Variants in EEF1AKMT1 observed in about 807,000 individuals in gnomAD.
EEF1AKMT1 encodes the protein EEF1A lysine methyltransferase 1.
Under a neutral mutation model 21.0 loss-of-function variants are expected in EEF1AKMT1, and 18 were observed. That is an observed-to-expected ratio of 0.86 (90% CI 0.59 to 1.27). The LOEUF is 1.27. Among genes scored for constraint, EEF1AKMT1 ranks in the 50% most tolerant of loss-of-function variants. EEF1AKMT1 has a pLI of 0.00. For synonymous variants in EEF1AKMT1, 109 were observed against 94.8 expected, an observed-to-expected ratio of 1.15 and a Z score of -0.87; for missense variants, 246 against 258.6, an observed-to-expected ratio of 0.95 and a Z score of 0.33.
At chr13:20,744,650 G>A (rs1477172302) in intron 2 of EEF1AKMT1, among the ~76,000 whole-genome samples, 8 of 152,150 alleles carry the variant, frequency 5.3e-5, no homozygotes, top group Non-Finnish European at 1.2e-4. Context: ...TCACTCTGAC[G>A]ATAGTTTCTT....
intron 2 of EEF1AKMT1, among the ~76,000 whole-genome samples, chr13:20,743,349 G>A (rs536687288): frequency 2.6e-5 from 4 of 152,020 alleles, no homozygotes; most frequent in African/African-American, 4.8e-5. Context: ...TTATAAGCGT[G>A]AGCCAACGTG....
intron 4 of EEF1AKMT1, among the ~76,000 whole-genome samples, chr13:20,731,536 G>A (rs1056821559): frequency 6.6e-6 from 1 of 152,186 alleles, no homozygotes; most frequent in Non-Finnish European, 1.5e-5. Context: ...TTGATAAAGG[G>A]TAGAGGCTGG....
chr13:20,754,010 TTC>T (rs543252113), intron 2 of EEF1AKMT1, among the ~76,000 whole-genome samples: 272 of 152,306 alleles, frequency 1.8e-3, no homozygotes, highest in African/African-American at 5.8e-3. Context: ...GTTCCTTTCT[TTC>T]TCTCTTATTG....
chr13:20,771,406 G>A (rs2059062266), intron 1 of EEF1AKMT1, among the ~76,000 whole-genome samples: 1 of 152,090 alleles, frequency 6.6e-6, no homozygotes, highest in Non-Finnish European at 1.5e-5. Context: ...CAAAATGAAA[G>A]TATAAAGAGT....
chr13:20,754,226 G>C (rs534640034), intron 2 of EEF1AKMT1, among the ~76,000 whole-genome samples: 21 of 151,518 alleles, frequency 1.4e-4, no homozygotes, highest in Non-Finnish European at 2.8e-4. Flanking sequence ...CATTTATGAA[G>C]AATAATTTTG....
chr13:20,737,814 G>C lies in EEF1AKMT1; in HGVS notation c.145-9C>G. 3 of 1,604,648 alleles carry C rather than the reference G, an allele frequency of 1.9e-6. No individual in the cohort carries two copies. The highest frequency in any genetic ancestry group is 2.6e-6 in the Non-Finnish European group (3 of 1,173,490). ...CAAAACTGGCTCAGTTGCTGTAACC[G>C]AGAAATAGGTTGATAGCATTTTAGA... is the stretch of plus-strand genomic sequence containing the variant. On this transcript the variant is annotated splice_polypyrimidine_tract_variant and intron_variant, in intron 2 of 4. Transcript: ENST00000382758.
At chr13:20,763,131 T>TGGTAACAA (rs1365129679) in intron 1 of EEF1AKMT1, among the ~76,000 whole-genome samples, 2 of 152,244 alleles carry the variant, frequency 1.3e-5, no homozygotes, top group African/African-American at 4.8e-5. Flanking sequence ...TCTTTGGTTT[T>TGGTAACAA]GGTAACAAGG....
intron 1 of EEF1AKMT1, among the ~76,000 whole-genome samples, chr13:20,767,511 A>T (rs1165628543): frequency 6.6e-6 from 1 of 151,934 alleles, no homozygotes; most frequent in Non-Finnish European, 1.5e-5. Flanking sequence ...ATAGTCCTCC[A>T]CTGTCTGTTC....
chr13:20,743,926 A>G (rs1203760447), intron 2 of EEF1AKMT1, among the ~76,000 whole-genome samples: 1 of 151,728 alleles, frequency 6.6e-6, no homozygotes, highest in Admixed American at 6.6e-5. Flanking sequence ...ATTCCCACTT[A>G]TGAGTGAGAA....
chr13:20,769,930 T>C (rs554805437), intron 1 of EEF1AKMT1, among the ~76,000 whole-genome samples: 18 of 151,846 alleles, frequency 1.2e-4, no homozygotes, highest in African/African-American at 4.1e-4. Flanking sequence ...AAATGACATA[T>C]GAACAAAATG....
intron 4 of EEF1AKMT1, among the ~76,000 whole-genome samples, chr13:20,729,872 C>T (rs1295019275): frequency 6.6e-6 from 1 of 152,214 alleles, no homozygotes. Context: ...CAACAGCCCG[C>T]GGTGCCCAGG....
chr13:20,766,259 A>G (rs556766389), intron 1 of EEF1AKMT1, among the ~76,000 whole-genome samples: 31 of 141,052 alleles, frequency 2.2e-4, no homozygotes, highest in African/African-American at 7.1e-4. Flanking sequence ...AGATCACAAC[A>G]CTGCACTCCA....
intron 2 of EEF1AKMT1, among the ~76,000 whole-genome samples, chr13:20,738,685 G>T (rs186466948): frequency 6.6e-6 from 1 of 152,320 alleles, no homozygotes; most frequent in African/African-American, 2.4e-5. Context: ...ATGCTACATG[G>T]ATGAGTCTTG....
At chr13:20,761,940 G>A (rs567797421) in intron 1 of EEF1AKMT1, among the ~76,000 whole-genome samples, 75 of 152,202 alleles carry the variant, frequency 4.9e-4, no homozygotes, top group Non-Finnish European at 1.0e-3. Context: ...CTACAAAAAT[G>A]TTTTTAAAAA....
At chr13:20,771,733 G>A (rs1007009148) in intron 1 of EEF1AKMT1, among the ~76,000 whole-genome samples, 5 of 152,176 alleles carry the variant, frequency 3.3e-5, no homozygotes, top group Non-Finnish European at 2.9e-5. Context: ...TGAAATGGCC[G>A]GGAGTGGTGG....
intron 3 of EEF1AKMT1, 44 bp downstream of exon 3, chr13:20,737,679 A>C (rs746942673): frequency 9.9e-6 from 15 of 1,510,342 alleles, no homozygotes; most frequent in Admixed American, 5.1e-5. Flanking sequence ...AAAGACATTC[A>C]AAATATTACA....
chr13:20,760,856 A>G (rs1030636808), intron 1 of EEF1AKMT1, among the ~76,000 whole-genome samples: 13 of 152,316 alleles, frequency 8.5e-5, no homozygotes, highest in African/African-American at 3.1e-4. Context: ...TTTGGAAAAG[A>G]ATCTGATAAT....
chr13:20,740,001 C>T (rs1223351310), intron 2 of EEF1AKMT1, among the ~76,000 whole-genome samples: 4 of 152,350 alleles, frequency 2.6e-5, no homozygotes, highest in Non-Finnish European at 1.5e-5. Flanking sequence ...GTCAGGGAGG[C>T]TCAGGCTGCG....
At chr13:20,749,289 C>T (rs1566533790) in intron 2 of EEF1AKMT1, among the ~76,000 whole-genome samples, 1 of 152,138 alleles carries the variant, frequency 6.6e-6, no homozygotes, top group Admixed American at 6.5e-5. Flanking sequence ...CCCTGAAGAT[C>T]TCTGTCCTGG....
Sources: gnomAD v4.1 joint callset for allele counts (sites outside exome capture counted in the v4.1 genomes callset) on GRCh38, gnomAD v4.1.1 for gene constraint, MANE v1.5 for transcripts, NCBI Gene and HGNC (gene_info 2026-07-23, HGNC 2026-07-21) for gene names.